KLHDC4: variants seen among roughly 807,000 people sequenced by gnomAD.
KLHDC4 encodes kelch domain-containing protein 4.
A neutral mutation model predicts 62.4 loss-of-function variants in KLHDC4; 90 were observed. The observed-to-expected ratio is 1.44, with a 90% confidence interval of 1.22 to 1.72. KLHDC4 has a LOEUF of 1.72. Among genes scored for constraint, KLHDC4 ranks in the 40% most tolerant of loss-of-function variants. KLHDC4 has a pLI of 0.00. For missense variants in KLHDC4, 1,025 were observed against 699.7 expected (o/e 1.47, Z -5.25); for synonymous variants, 386 against 284.4 (o/e 1.36, Z -3.59).
rs761249961 is a variant in KLHDC4 at position 87,709,506 on chromosome 16, G to C, written c.1206C>G (p.Leu402=). Residue 402 remains leucine, a synonymous_variant, in exon 10 of 12, where the codon CTC becomes CTG. Transcript: ENST00000270583. The part of the protein sequence containing the change: ...DGTVVTIKQV[L]TAPGSAGQPR... ...GCTGCCCCGCCGAGCCTGGCGCGGT[G>C]AGCACCTGCTTAATGGTGACCACGG... is the stretch of plus-strand genomic sequence containing the variant. 1.9e-6 allele frequency: 3 copies of C among 1,612,054 alleles called. 1 individual carries two copies. The South Asian group carries it at 3.3e-5, about 18-fold the overall frequency.
intron 5 of KLHDC4, chr16:87,741,020 G>A (rs1234339881): frequency 6.6e-6 from 1 of 152,166 alleles, no homozygotes; most frequent in South Asian, 2.1e-4. Flanking sequence ...CCGCACGTGA[G>A]TTTTGGTCTT....
chr16:87,730,472 G>A, intron 6 of KLHDC4, 80 bp downstream of exon 6: 1 of 1,178,000 alleles, frequency 8.5e-7, no homozygotes, highest in Non-Finnish European at 1.2e-6. Context: ...TCTTTCTTGT[G>A]TATTCAGAAT....
Position 87,730,658 on chromosome 16 carries a change from A to C in KLHDC4, c.507-14T>G. The stretch of plus-strand genomic sequence containing the variant: ...CCGCCTGTTGATCTAAAATGAAATA[A>C]ACAAAAAGACACTATCAACCTGCTT... On this transcript the variant is annotated splice_polypyrimidine_tract_variant and intron_variant, in intron 5 of 11. Transcript: ENST00000270583. 1 of 1,606,272 alleles carries C rather than the reference A, an allele frequency of 6.2e-7. No homozygotes were observed. Among genetic ancestry groups the C allele is most frequent in the Non-Finnish European group, 8.5e-7 (1 of 1,175,524 alleles).
exon 1 of KLHDC4, chr16:87,700,102 A>G (rs1300359144): frequency 6.6e-6 from 1 of 152,488 alleles, no homozygotes; most frequent in Admixed American, 6.5e-5. Context: ...CTCCCCTCAC[A>G]GTCTTCATGG....
At chr16:87,753,038 T>C (rs1356199589) in intron 4 of KLHDC4, among the ~76,000 whole-genome samples, 1 of 152,096 alleles carries the variant, frequency 6.6e-6, no homozygotes, top group African/African-American at 2.4e-5. Flanking sequence ...GCTCCTTCCC[T>C]GGAGCAGGGA....
chr16:87,748,641 C>T (rs2043409355), intron 5 of KLHDC4, 32 bp downstream of exon 5: 3 of 1,613,106 alleles, frequency 1.9e-6, no homozygotes, highest in South Asian at 1.1e-5. Flanking sequence ...AAGAGCCATG[C>T]CCGGAGCTCA....
At chr16:87,716,260 T>A (rs371017476) in intron 7 of KLHDC4, among the ~76,000 whole-genome samples, 1 of 149,924 alleles carries the variant, frequency 6.7e-6, no homozygotes, top group African/African-American at 2.5e-5. Flanking sequence ...GATACTGACA[T>A]AGACTTTGGG....
intron 5 of KLHDC4, among the ~76,000 whole-genome samples, chr16:87,736,251 A>C (rs955444857): frequency 6.6e-6 from 1 of 152,356 alleles, no homozygotes; most frequent in South Asian, 2.1e-4. Context: ...AGCCACTGTA[A>C]CACAATGGCA....
At chr16:87,720,413 C>T (rs908968241) in intron 7 of KLHDC4, among the ~76,000 whole-genome samples, 3 of 152,190 alleles carry the variant, frequency 2.0e-5, no homozygotes, top group South Asian at 4.1e-4. Context: ...CGCCCGAAGA[C>T]GACTCCTAAA....
chr16:87,723,848 T>A (rs1051510695), intron 7 of KLHDC4, among the ~76,000 whole-genome samples: 4 of 152,132 alleles, frequency 2.6e-5, no homozygotes, highest in Non-Finnish European at 5.9e-5. Context: ...TTCTTTTTTC[T>A]TTTTTTTGAG....
At chr16:87,725,006 A>C (rs1048678994) in intron 7 of KLHDC4, among the ~76,000 whole-genome samples, 21 of 152,352 alleles carry the variant, frequency 1.4e-4, no homozygotes, top group African/African-American at 4.3e-4. Flanking sequence ...ATATAATGGA[A>C]CACTTCAGCA....
At chr16:87,712,415 G>C (rs1371519704) in intron 8 of KLHDC4, among the ~76,000 whole-genome samples, 2 of 152,250 alleles carry the variant, frequency 1.3e-5, no homozygotes, top group African/African-American at 2.4e-5. Flanking sequence ...GAACAGGGAA[G>C]ACCACCACAA....
chr16:87,759,134 T>C (rs972086657), intron 2 of KLHDC4, among the ~76,000 whole-genome samples: 67 of 152,122 alleles, frequency 4.4e-4, no homozygotes, highest in African/African-American at 1.5e-3. Context: ...ATCATACCAT[T>C]GCACTCCAGC....
At chr16:87,755,589 G>A (rs1383243560) in intron 3 of KLHDC4, 3 of 251,220 alleles carry the variant, frequency 1.2e-5, no homozygotes, top group Non-Finnish European at 2.3e-5. Flanking sequence ...TTTTGTTTGA[G>A]ATGAAGTCTC....
chr16:87,761,839 G>A, intron 2 of KLHDC4, 110 bp downstream of exon 2: 2 of 1,041,252 alleles, frequency 1.9e-6, no homozygotes, highest in East Asian at 2.4e-5. Context: ...TTTTAATAAT[G>A]AAAATGTCCC....
intron 5 of KLHDC4, among the ~76,000 whole-genome samples, chr16:87,733,642 G>C (rs71392310): frequency 8.1e-6 from 1 of 122,760 alleles, no homozygotes; most frequent in Admixed American, 7.9e-5. Flanking sequence ...GACCTGCCTC[G>C]CCTCCTACTT....
intron 2 of KLHDC4, 135 bp from the exon 3 acceptor site, chr16:87,756,612 A>G: frequency 1.6e-6 from 1 of 635,282 alleles, no homozygotes. Context: ...CCTGGCATCG[A>G]GAAAGGAAGC....
intron 1 of KLHDC4, 122 bp from the exon 2 acceptor site, chr16:87,762,162 A>T: frequency 6.6e-7 from 1 of 1,510,368 alleles, no homozygotes; most frequent in Non-Finnish European, 8.8e-7. Flanking sequence ...TGTGAATTGC[A>T]ACATACTGTG....
At chr16:87,745,532 T>C (rs576538635) in intron 5 of KLHDC4, among the ~76,000 whole-genome samples, 1 of 152,272 alleles carries the variant, frequency 6.6e-6, no homozygotes, top group African/African-American at 2.4e-5. Context: ...CTGTTTCATA[T>C]GGGCAAATCC....
Sources: gnomAD v4.1 joint callset for allele counts (sites outside exome capture counted in the v4.1 genomes callset) on GRCh38, gnomAD v4.1.1 for gene constraint, MANE v1.5 for transcripts, NCBI Gene and HGNC (gene_info 2026-07-23, HGNC 2026-07-21) for gene names.